Variants in RAD51B observed in about 807,000 individuals in gnomAD.
RAD51B encodes DNA repair protein RAD51 homolog 2.
In RAD51B, 38 loss-of-function variants were observed where a neutral mutation model predicts 42.2. That is an observed-to-expected ratio of 0.90 (90% CI 0.70 to 1.18). RAD51B has a LOEUF of 1.18. RAD51B is among the 50% of genes most tolerant of loss of function. The pLI is 0.00. For missense variants in RAD51B, 373 were observed against 400.7 expected (o/e 0.93, Z 0.59); for synonymous variants, 154 against 145.2 (o/e 1.06, Z -0.43).
At chr14:67,890,231 A>G (rs2043176761) in intron 7 of RAD51B, among the ~76,000 whole-genome samples, 1 of 152,198 alleles carries the variant, frequency 6.6e-6, no homozygotes, top group African/African-American at 2.4e-5. Flanking sequence ...TGTTTTTGCC[A>G]GAAAGGACCT....
intron 7 of RAD51B, among the ~76,000 whole-genome samples, chr14:67,893,497 C>CAA (rs1566945321): frequency 2.6e-4 from 20 of 77,528 alleles, no homozygotes; most frequent in Admixed American, 5.8e-4. Flanking sequence ...CACACACACA[C>CAA]ACACACACAC....
chr14:68,170,408 A>C (rs1168276029), intron 7 of RAD51B, among the ~76,000 whole-genome samples: 2 of 152,216 alleles, frequency 1.3e-5, no homozygotes, highest in Non-Finnish European at 1.5e-5. Flanking sequence ...AAGATTGGGC[A>C]GGGGAAGTAC....
intron 9 of RAD51B, among the ~76,000 whole-genome samples, chr14:68,449,342 C>T (rs2085499247): frequency 1.3e-5 from 2 of 152,200 alleles, no homozygotes; most frequent in African/African-American, 4.8e-5. Flanking sequence ...TCTAATTCTT[C>T]TACCTAGGGA....
At chr14:68,107,978 A>G (rs1315139563) in intron 7 of RAD51B, among the ~76,000 whole-genome samples, 1 of 151,876 alleles carries the variant, frequency 6.6e-6, no homozygotes, top group African/African-American at 2.4e-5. Flanking sequence ...CCCTTATAAT[A>G]TACCAATAGA....
chr14:68,200,838 A>G (rs988858617), intron 7 of RAD51B, among the ~76,000 whole-genome samples: 1 of 151,610 alleles, frequency 6.6e-6, no homozygotes, highest in Admixed American at 6.6e-5. Flanking sequence ...TTTTATTTTT[A>G]GTAGAGATGA....
At chr14:68,016,000 T>G (rs1405461865) in intron 7 of RAD51B, among the ~76,000 whole-genome samples, 1 of 152,238 alleles carries the variant, frequency 6.6e-6, no homozygotes, top group Admixed American at 6.5e-5. Flanking sequence ...CAGCTGTTGA[T>G]AGTAATCATT....
At position 68,532,342 on chromosome 14, in the gene RAD51B, G is replaced by A. The variant is rs149967710; in HGVS notation, c.1037-62143G>A. 5.0e-3 allele frequency among the ~76,000 whole-genome samples: 767 copies of A among 151,968 alleles called. 13 individuals are homozygous for A. Among genetic ancestry groups the A allele is most frequent in the African/African-American group, 0.018 (739 of 41,452 alleles). ...AAATAGATAAAACCCTAGCAGGGCT[G>A]CTCCAGAAAAAAAGAAAATGCAATA... On this transcript the variant is annotated intron_variant, in intron 10 of 10. Coordinates refer to the RAD51B transcript ENST00000487270.
At chr14:68,150,250 CTT>C (rs2078349742) in intron 7 of RAD51B, among the ~76,000 whole-genome samples, 1 of 152,154 alleles carries the variant, frequency 6.6e-6, no homozygotes, top group Non-Finnish European at 1.5e-5. Flanking sequence ...AGCCTGAAGA[CTT>C]TTATTTCTCC....
At chr14:68,005,045 GTTTTTTTTTTTTTTT>G (rs753867497) in intron 7 of RAD51B, among the ~76,000 whole-genome samples, 1 of 79,504 alleles carries the variant, frequency 1.3e-5, no homozygotes, top group Non-Finnish European at 2.4e-5. Context: ...GTGTGTGTGT[GTTTTTTTTTTTTTTT>G]TTTTTTTTTT....
chr14:68,122,967 AC>A (rs2077679480), intron 7 of RAD51B, among the ~76,000 whole-genome samples: 1 of 152,008 alleles, frequency 6.6e-6, no homozygotes, highest in African/African-American at 2.4e-5. Context: ...ACAAACACAC[AC>A]ACACACACAC....
At chr14:68,599,177 G>C (rs1450990931), downstream of RAD51B, among the ~76,000 whole-genome samples, 2 of 152,236 alleles carry the variant, frequency 1.3e-5, no homozygotes, top group Non-Finnish European at 2.9e-5. Context: ...GGGGCTGCCA[G>C]GAGTGGTGGT....
At chr14:68,023,403 C>G (rs2075900898) in intron 7 of RAD51B, among the ~76,000 whole-genome samples, 2 of 152,160 alleles carry the variant, frequency 1.3e-5, no homozygotes, top group African/African-American at 4.8e-5. Context: ...TCCTGGCTGA[C>G]TGCAACCTCC....
chr14:68,376,958 G>C (rs1157616920), intron 8 of RAD51B, among the ~76,000 whole-genome samples: 1 of 152,174 alleles, frequency 6.6e-6, no homozygotes, highest in African/African-American at 2.4e-5. Context: ...CCAATAAAGA[G>C]GAGAAATGTA....
chr14:67,909,887 C>T (rs900039656), intron 7 of RAD51B, among the ~76,000 whole-genome samples: 4 of 152,126 alleles, frequency 2.6e-5, no homozygotes, highest in Non-Finnish European at 5.9e-5. Context: ...AACTCCTGGG[C>T]TCAAGCCATC....
intron 10 of RAD51B, among the ~76,000 whole-genome samples, chr14:68,504,400 T>G (rs952843411): frequency 1.3e-5 from 2 of 152,244 alleles, no homozygotes; most frequent in Non-Finnish European, 2.9e-5. Flanking sequence ...AGGCATGGTT[T>G]CCATTTGTGT....
intron 7 of RAD51B, among the ~76,000 whole-genome samples, chr14:67,964,988 A>G (rs1375409212): frequency 6.6e-6 from 1 of 152,232 alleles, no homozygotes; most frequent in Non-Finnish European, 1.5e-5. Context: ...ATCCTGGCAC[A>G]CGTTAGCATT....
intron 7 of RAD51B, among the ~76,000 whole-genome samples, chr14:68,134,434 A>G (rs1362077774): frequency 6.6e-6 from 1 of 152,158 alleles, no homozygotes; most frequent in Non-Finnish European, 1.5e-5. Context: ...CTATGAGAAA[A>G]GTTTTCATTT....
chr14:68,632,746 C>T (rs1392327560), intron 10 of RAD51B, among the ~76,000 whole-genome samples: 2 of 152,116 alleles, frequency 1.3e-5, no homozygotes, highest in African/African-American at 4.8e-5. Context: ...CGTTGGCCCA[C>T]CATGCCCACC....
chr14:68,442,011 TA>T (rs2085309485), intron 9 of RAD51B, among the ~76,000 whole-genome samples: 1 of 152,228 alleles, frequency 6.6e-6, no homozygotes, highest in Admixed American at 6.5e-5. Flanking sequence ...CAGAGCTTGT[TA>T]AAAATTCAGA....
Sources: allele counts gnomAD v4.1 joint callset (sites outside exome capture counted in the v4.1 genomes callset), GRCh38; gene constraint gnomAD v4.1.1; transcripts MANE v1.5; gene names NCBI Gene and HGNC (gene_info 2026-07-23, HGNC 2026-07-21).